UVSSA: variants seen among roughly 807,000 people sequenced by gnomAD.
The protein encoded by UVSSA is UV-stimulated scaffold protein A.
UVSSA carries 72 observed loss-of-function variants against 73.9 expected under a neutral mutation model. The observed-to-expected ratio is 0.97, with a 90% confidence interval of 0.81 to 1.19. The LOEUF (loss-of-function observed/expected upper bound fraction) is 1.19, where lower values mean the gene tolerates loss of function less well. UVSSA is among the 50% of genes most tolerant of loss of function. The pLI is 0.00. For synonymous variants in UVSSA, 454 were observed against 391.3 expected, an observed-to-expected ratio of 1.16 and a Z score of -1.89; for missense variants, 1,150 against 965.0, an observed-to-expected ratio of 1.19 and a Z score of -2.54.
chr4:1,367,553 T>C (rs1344248112), intron 8 of UVSSA, among the ~76,000 whole-genome samples: 1 of 152,156 alleles, frequency 6.6e-6, no homozygotes, highest in Non-Finnish European at 1.5e-5. Context: ...CCTGCTGTCT[T>C]CTGCCCTGGG....
chr4:1,367,921 G>A (rs951599307), intron 8 of UVSSA, among the ~76,000 whole-genome samples: 2 of 152,208 alleles, frequency 1.3e-5, no homozygotes, highest in Non-Finnish European at 2.9e-5. Flanking sequence ...TCCCCACCTC[G>A]GGCAGGCGTC....
intron 7 of UVSSA, among the ~76,000 whole-genome samples, chr4:1,363,782 G>A (rs945651725): frequency 2.0e-5 from 3 of 152,242 alleles, no homozygotes; most frequent in Non-Finnish European, 4.4e-5. Flanking sequence ...TAATTGGGAC[G>A]TTTCACAGGT....
At chr4:1,357,881 T>G (rs1421368376) in intron 7 of UVSSA, 1 of 152,302 alleles carries the variant, frequency 6.6e-6, no homozygotes, top group Non-Finnish European at 1.5e-5. Context: ...AACACGGGTG[T>G]GGGCCAGGCC....
chr4:1,355,029 C>T, intron 6 of UVSSA, 88 bp from the exon 7 acceptor site: 1 of 1,568,810 alleles, frequency 6.4e-7, no homozygotes, highest in African/African-American at 1.3e-5. Context: ...CCCCCCGGGC[C>T]AGTGGACCTG....
intron 5 of UVSSA, among the ~76,000 whole-genome samples, chr4:1,354,279 C>G (rs1396679554): frequency 6.9e-6 from 1 of 145,752 alleles, no homozygotes; most frequent in East Asian, 2.1e-4. Context: ...GGTGCCACAG[C>G]GGGGGAAGCC....
In UVSSA at chr4:1,374,238, C is replaced by T. The variant is rs572056506; in HGVS notation, c.1289-1126C>T. Among the ~76,000 whole-genome samples the T allele has an allele frequency of 2.0e-5, 3 of 152,194 alleles. No homozygotes were observed. The South Asian group carries it at 6.2e-4, about 31-fold the overall frequency. ...GGCTCAAGTGCAGGCCTTAGTTGCT[C>T]CTGCAGCAGGTTTGGGGAGGTGGGT... On this transcript the variant is annotated intron_variant, in intron 8 of 13. Transcript: ENST00000389851.
At chr4:1,366,132 T>G in intron 7 of UVSSA, 188 bp from the exon 8 acceptor site, 1 of 539,878 alleles carries the variant, frequency 1.9e-6, no homozygotes, top group Non-Finnish European at 3.3e-6. Context: ...GCAGAGGTGG[T>G]GTGATTTTGG....
At chr4:1,346,820 C>T (rs1401442473), upstream of UVSSA, among the ~76,000 whole-genome samples, 1 of 152,200 alleles carries the variant, frequency 6.6e-6, no homozygotes, top group African/African-American at 2.4e-5. Flanking sequence ...GCCCCGCCCC[C>T]GGCGCCCGTA....
chr4:1,393,825 G>A (rs1293853088), exon 14 of UVSSA: 1 of 158,298 alleles, frequency 6.3e-6, no homozygotes, highest in Non-Finnish European at 1.4e-5. Flanking sequence ...CCCTCTCCAC[G>A]AGTTTATTGT....
chr4:1,355,046 G>T lies in UVSSA; in HGVS notation c.1048-71G>T. On this transcript the variant is annotated intron_variant, in intron 6 of 13. Transcript: ENST00000389851. Reference sequence around the variant, plus strand: ...CCCCGGGCCAGTGGACCTGGCATGTGCCTCCCAGCAGGACAGCTTCCCAGG... The same window carrying T: ...CCCCGGGCCAGTGGACCTGGCATGTTCCTCCCAGCAGGACAGCTTCCCAGG... 5 of 1,585,704 alleles carry T rather than the reference G, an allele frequency of 3.2e-6. No individual in the cohort carries two copies. The South Asian group carries it at 5.8e-5, about 18-fold the overall frequency.
chr4:1,349,323 C>G (rs1024410641), intron 2 of UVSSA, among the ~76,000 whole-genome samples: 1 of 152,306 alleles, frequency 6.6e-6, no homozygotes, highest in South Asian at 2.1e-4. Context: ...GTGGGCCACA[C>G]AGAAACAGGC....
intron 10 of UVSSA, among the ~76,000 whole-genome samples, chr4:1,378,752 C>G (rs574676576): frequency 1.1e-3 from 162 of 152,302 alleles, no homozygotes; most frequent in Non-Finnish European, 1.8e-3. Flanking sequence ...GCCTTGGGTG[C>G]AGCAGGAAGC....
chr4:1,350,310 C>T (rs1180159050), intron 3 of UVSSA, among the ~76,000 whole-genome samples: 1 of 152,126 alleles, frequency 6.6e-6, no homozygotes, highest in Non-Finnish European at 1.5e-5. Context: ...GCCACTGTGG[C>T]CTGAACCCAG....
exon 14 of UVSSA, chr4:1,395,603 T>C: frequency 6.4e-7 from 1 of 1,551,352 alleles, no homozygotes; most frequent in East Asian, 2.4e-5. Flanking sequence ...GCCCGCCTGC[T>C]CACACACGTG....
In UVSSA at chr4:1,387,360, G is replaced by C. The variant is rs1215761031; in HGVS notation, c.*1399G>C. 1 of 152,192 alleles carries C rather than the reference G, an allele frequency of 6.6e-6. No individual in the cohort carries two copies. The highest frequency in any genetic ancestry group is 6.5e-5 in the Admixed American group (1 of 15,278). The allele number at this position is 152,192 out of a possible 1,614,324, so 9.4% of individuals were successfully genotyped here. On this transcript the variant is annotated 3_prime_UTR_variant, in exon 14 of 14. Coordinates refer to ENST00000389851, the MANE Select transcript of UVSSA (RefSeq NM_020894.4). ...CATAGTGCTGGGATTACAGGTGTGA[G>C]CCACCGCACTCAGCTGATTTGCAAA...
Position 1,380,132 on chromosome 4 carries a change from C to G in UVSSA, c.1654C>G (p.Arg552Gly), listed in dbSNP as rs754432716. Residue 552 changes from arginine (R) to glycine (G), a missense_variant, in exon 11 of 14, where the codon CGC becomes GGC. Coordinates refer to ENST00000389851, the MANE Select transcript of UVSSA (RefSeq NM_020894.4). ...CGACATCTCCGAGATGCTCCGGAGC[C>G]GCCACATCACTTTTGCCGGGAAGTT... The part of the protein sequence containing the change: ...NADISEMLRS[R>G]HITFAGKFEP... The G allele has an allele frequency of 1.2e-6, 2 of 1,613,200 alleles. No individual in the cohort carries two copies. The highest frequency in any genetic ancestry group is 4.5e-5 in the East Asian group (2 of 44,880).
At chr4:1,381,987 C>T (rs573412268) in intron 12 of UVSSA, among the ~76,000 whole-genome samples, 3 of 152,298 alleles carry the variant, frequency 2.0e-5, no homozygotes, top group African/African-American at 7.2e-5. Context: ...AGTGGCCACA[C>T]CTGCAGGCCT....
At chr4:1,359,797 G>A (rs1716358185) in intron 7 of UVSSA, among the ~76,000 whole-genome samples, 1 of 152,280 alleles carries the variant, frequency 6.6e-6, no homozygotes, top group South Asian at 2.1e-4. Context: ...CTGATCTTTG[G>A]AGTTAGATGC....
chr4:1,351,800 A>G lies in UVSSA; in HGVS notation c.515A>G (p.Gln172Arg), dbSNP rs1316644775. 1.9e-6 allele frequency: 3 copies of G among 1,613,582 alleles called. No individual in the cohort carries two copies. Among genetic ancestry groups the G allele is most frequent in the Non-Finnish European group, 2.5e-6 (3 of 1,179,870 alleles). Reference sequence around the variant, plus strand: ...CAGAAGCACTTGGATAAAATTTATCAAGAAAGAGCCAGCCAGGCGGAGAGG... The same window carrying G: ...CAGAAGCACTTGGATAAAATTTATCGAGAAAGAGCCAGCCAGGCGGAGAGG... The part of the protein sequence containing the change: ...EKQKHLDKIY[Q>R]ERASQAEREM... The change falls in exon 4 of 14, where the codon CAA (glutamine) becomes CGA (arginine). Residue 172 changes from glutamine (Q) to arginine (R), a missense_variant. By Grantham distance (43) the Gln-to-Arg change is conservative. Coordinates refer to ENST00000389851, the MANE Select transcript of UVSSA (RefSeq NM_020894.4).
Sources: gnomAD v4.1 joint callset for allele counts (sites outside exome capture counted in the v4.1 genomes callset) on GRCh38, gnomAD v4.1.1 for gene constraint, MANE v1.5 for transcripts, NCBI Gene and HGNC (gene_info 2026-07-23, HGNC 2026-07-21) for gene names.